The following CRADD variants were observed in gnomAD, a reference collection of about 807,000 sequenced individuals.
CRADD encodes death domain-containing protein CRADD.
CRADD carries 9 observed loss-of-function variants against 15.5 expected under a neutral mutation model. That is an observed-to-expected ratio of 0.58 (90% CI 0.35 to 1.01). CRADD has a LOEUF of 1.01. CRADD is among the 50% of genes least tolerant of loss of function. The pLI, the probability that CRADD is intolerant of heterozygous loss-of-function variation, is 0.02. For synonymous variants in CRADD, 118 were observed against 107.6 expected, an observed-to-expected ratio of 1.10 and a Z score of -0.60; for missense variants, 227 against 250.3, an observed-to-expected ratio of 0.91 and a Z score of 0.63.
intron 2 of CRADD, among the ~76,000 whole-genome samples, chr12:93,750,174 C>T (rs1290563994): frequency 6.6e-6 from 1 of 152,144 alleles, no homozygotes; most frequent in African/African-American, 2.4e-5. Flanking sequence ...ATAAATCTGA[C>T]TCCAGAACCT....
chr12:93,886,071 C>T (rs1370674331), intron 2 of CRADD, among the ~76,000 whole-genome samples: 3 of 151,536 alleles, frequency 2.0e-5, no homozygotes, highest in Non-Finnish European at 4.4e-5. Context: ...CTGTAGGATC[C>T]CAGGTGCTGG....
At chr12:93,779,338 G>GT (rs1957174044) in intron 2 of CRADD, among the ~76,000 whole-genome samples, 1 of 152,142 alleles carries the variant, frequency 6.6e-6, no homozygotes, top group African/African-American at 2.4e-5. Flanking sequence ...TTGGGCGGGA[G>GT]TAACCATGAT....
chr12:93,887,670 G>A (rs138522944), intron 2 of CRADD, among the ~76,000 whole-genome samples: 6 of 152,336 alleles, frequency 3.9e-5, no homozygotes, highest in Non-Finnish European at 8.8e-5. Flanking sequence ...TCCTAGTAGT[G>A]CCTCTTAATG....
intron 2 of CRADD, among the ~76,000 whole-genome samples, chr12:93,723,446 C>A (rs1265920703): frequency 2.0e-5 from 3 of 152,142 alleles, no homozygotes; most frequent in Non-Finnish European, 2.9e-5. Context: ...TGGCCCGCAC[C>A]CAGGAACTGA....
At chr12:93,843,384 CTT>C (rs200332416) in intron 2 of CRADD, among the ~76,000 whole-genome samples, 12 of 135,012 alleles carry the variant, frequency 8.9e-5, no homozygotes, top group Non-Finnish European at 9.5e-5. Flanking sequence ...TCTTTTTATT[CTT>C]TTTTTTTTTT....
At chr12:93,848,466 T>G (rs1958161761) in intron 2 of CRADD, among the ~76,000 whole-genome samples, 1 of 152,234 alleles carries the variant, frequency 6.6e-6, no homozygotes, top group Non-Finnish European at 1.5e-5. Context: ...TAGACTGACC[T>G]GAATCCCTGT....
At chr12:93,690,686 TG>T (rs1397650261) in intron 2 of CRADD, among the ~76,000 whole-genome samples, 1 of 152,196 alleles carries the variant, frequency 6.6e-6, no homozygotes, top group Non-Finnish European at 1.5e-5. Flanking sequence ...TTAGATAAAT[TG>T]CTCAAGGTCA....
At chr12:93,868,558 G>A (rs572898977) in intron 2 of CRADD, among the ~76,000 whole-genome samples, 2 of 152,000 alleles carry the variant, frequency 1.3e-5, no homozygotes, top group Non-Finnish European at 2.9e-5. Flanking sequence ...AGAATATATG[G>A]TATAATTTCA....
At chr12:93,765,932 A>G (rs1957022586) in intron 2 of CRADD, among the ~76,000 whole-genome samples, 4 of 152,170 alleles carry the variant, frequency 2.6e-5, no homozygotes, top group Admixed American at 2.6e-4. Context: ...AACTCCAACC[A>G]GTAATCCTGG....
chr12:93,687,319 G>A (rs1008678557), intron 2 of CRADD, among the ~76,000 whole-genome samples: 4 of 152,246 alleles, frequency 2.6e-5, no homozygotes, highest in East Asian at 1.9e-4. Flanking sequence ...TGTATAGACC[G>A]TTCGGCTGCA....
At chr12:93,735,156 A>G (rs546144259) in intron 2 of CRADD, among the ~76,000 whole-genome samples, 53 of 152,324 alleles carry the variant, frequency 3.5e-4, no homozygotes, top group African/African-American at 1.3e-3. Context: ...ATGAATGAAC[A>G]AACACCCTGG....
chr12:93,775,648 C>T (rs966501524), intron 2 of CRADD, among the ~76,000 whole-genome samples: 1 of 152,170 alleles, frequency 6.6e-6, no homozygotes, highest in African/African-American at 2.4e-5. Flanking sequence ...TTGTCTGACA[C>T]CTGTCCTTCT....
intron 2 of CRADD, among the ~76,000 whole-genome samples, chr12:93,780,289 A>G (rs1378073233): frequency 6.6e-6 from 1 of 152,262 alleles, no homozygotes; most frequent in African/African-American, 2.4e-5. Context: ...ATAGATAATG[A>G]TAATAATAGT....
intron 2 of CRADD, among the ~76,000 whole-genome samples, chr12:93,695,624 C>T (rs1250251562): frequency 6.6e-6 from 1 of 152,142 alleles, no homozygotes; most frequent in Non-Finnish European, 1.5e-5. Context: ...AAATGGGCGG[C>T]CAGCGCAGTG....
At chr12:93,746,508 T>G (rs900317466) in intron 2 of CRADD, among the ~76,000 whole-genome samples, 1 of 152,352 alleles carries the variant, frequency 6.6e-6, no homozygotes, top group African/African-American at 2.4e-5. Context: ...TGATAATTTT[T>G]TTTGCAGAAT....
intron 2 of CRADD, among the ~76,000 whole-genome samples, chr12:93,828,438 T>C (rs1369937795): frequency 6.6e-6 from 1 of 152,244 alleles, no homozygotes; most frequent in African/African-American, 2.4e-5. Context: ...TCCATAGTTT[T>C]AGGTTTTCCA....
Position 93,859,696 on chromosome 12 carries a change from A to C in CRADD, c.299-34354A>C, listed in dbSNP as rs147289318. 4.0e-3 allele frequency among the ~76,000 whole-genome samples: 605 copies of C among 151,972 alleles called. 3 individuals carry two copies. The highest frequency in any genetic ancestry group is 0.014 in the African/African-American group (576 of 41,438). On this transcript the variant is annotated intron_variant, in intron 2 of 2. Coordinates refer to the CRADD transcript ENST00000548483. The stretch of plus-strand genomic sequence containing the variant: ...TTTGTGGGGATGGCTGTTTCTTTTG[A>C]AACACAAAAGGGTGGGAGATTTCTT...
At chr12:93,867,105 T>C (rs1958374293) in intron 2 of CRADD, among the ~76,000 whole-genome samples, 1 of 152,072 alleles carries the variant, frequency 6.6e-6, no homozygotes, top group South Asian at 2.1e-4. Context: ...TACTCCCAAA[T>C]CATAAACCCC....
chr12:93,765,847 A>AT (rs1185096596), intron 2 of CRADD, among the ~76,000 whole-genome samples: 1 of 124,292 alleles, frequency 8.0e-6, no homozygotes, highest in African/African-American at 2.6e-5. Context: ...TGTTTTATTA[A>AT]GTTTTTTTTT....
Sources: allele counts gnomAD v4.1 joint callset (sites outside exome capture counted in the v4.1 genomes callset), GRCh38; gene constraint gnomAD v4.1.1; transcripts MANE v1.5; gene names NCBI Gene and HGNC (gene_info 2026-07-23, HGNC 2026-07-21).